The following VPS54 variants were observed in gnomAD, a reference collection of about 807,000 sequenced individuals.
The protein encoded by VPS54 is VPS54 subunit of GARP complex, also known as vacuolar protein sorting-associated protein 54.
A neutral mutation model predicts 121.5 loss-of-function variants in VPS54; 45 were observed. The ratio of observed to expected loss-of-function variants is 0.37; its 90% CI spans 0.29 to 0.47. VPS54 has a LOEUF of 0.47. Among genes scored for constraint, VPS54 ranks in the 20% least tolerant of loss-of-function variants. The pLI, the probability that VPS54 is intolerant of heterozygous loss-of-function variation, is 0.99. For missense variants in VPS54, 1,090 were observed against 1,131.4 expected, an observed-to-expected ratio of 0.96 and a Z score of 0.52; for synonymous variants, 371 against 385.8, an observed-to-expected ratio of 0.96 and a Z score of 0.45.
intron 13 of VPS54, 148 bp downstream of exon 13, chr2:63,921,058 C>G: frequency 1.4e-6 from 1 of 734,214 alleles, no homozygotes. Flanking sequence ...TCAACATCTC[C>G]CTAGTAGACC....
rs1392841323 is a variant in VPS54 at position 63,897,575 on chromosome 2, T to C, written c.2749A>G (p.Ile917Val). Residue 917 changes from isoleucine to valine, a missense_variant, in exon 22 of 23, where the codon ATT becomes GTT. By Grantham distance (29) the Ile-to-Val change is conservative (BLOSUM62 3). Transcript: ENST00000272322. ...EEQTQMLFLRINASYKLHLKK... is the reference protein window; with the variant it reads ...EEQTQMLFLRVNASYKLHLKK... ...AAGTGGAGTTTATAACTTGCATTAA[T>C]TCTTAAAAATAACATCTGAAAAAGA... is the stretch of plus-strand genomic sequence containing the variant. 1.9e-6 allele frequency: 3 copies of C among 1,563,844 alleles called. No homozygotes were observed. The highest frequency in any genetic ancestry group is 1.4e-5 in the African/African-American group (1 of 73,468).
chr2:63,927,184 T>C (rs1366298369), intron 12 of VPS54, among the ~76,000 whole-genome samples: 1 of 152,172 alleles, frequency 6.6e-6, no homozygotes. Flanking sequence ...CGAGCTCTGA[T>C]AACGGACAGA....
intron 7 of VPS54, among the ~76,000 whole-genome samples, chr2:63,958,511 T>C (rs1029835828): frequency 1.3e-5 from 2 of 152,082 alleles, no homozygotes; most frequent in Non-Finnish European, 2.9e-5. Context: ...TTAAAAGCAA[T>C]AGAACCAGTC....
chr2:64,002,195 A>T (rs1017197610), intron 1 of VPS54, among the ~76,000 whole-genome samples: 1 of 152,224 alleles, frequency 6.6e-6, no homozygotes, highest in Admixed American at 6.5e-5. Flanking sequence ...TCTCCACACC[A>T]CATAGTCGCT....
intron 3 of VPS54, chr2:63,975,006 G>A (rs1341508994): frequency 6.5e-7 from 1 of 1,549,698 alleles, no homozygotes; most frequent in African/African-American, 1.4e-5. Flanking sequence ...TTCTTAGTGG[G>A]AAGCATCTAG....
At chr2:63,996,646 T>C (rs909397109) in intron 1 of VPS54, among the ~76,000 whole-genome samples, 17 of 152,128 alleles carry the variant, frequency 1.1e-4, no homozygotes, top group Admixed American at 9.8e-4. Context: ...TAAGGAATAT[T>C]AATAATTAAC....
intron 1 of VPS54, among the ~76,000 whole-genome samples, chr2:63,992,711 C>T (rs1418143745): frequency 6.6e-6 from 1 of 152,216 alleles, no homozygotes; most frequent in East Asian, 1.9e-4. Context: ...GGATGGTAAC[C>T]AATTTAAGGG....
chr2:63,956,405 G>T (rs1421964270), intron 7 of VPS54, among the ~76,000 whole-genome samples: 1 of 151,992 alleles, frequency 6.6e-6, no homozygotes, highest in Non-Finnish European at 1.5e-5. Flanking sequence ...ACAAAAAAAG[G>T]CTTACAAGTA....
rs893608285 is a variant in VPS54, at chr2:63,892,722, C to G, written c.*708G>C. 1 of 72,494 alleles carries G rather than the reference C, an allele frequency of 1.4e-5. No homozygotes were observed. Among genetic ancestry groups the G allele is most frequent in the South Asian group, 3.3e-4 (1 of 3,064 alleles). 4.5% of individuals were successfully genotyped at this position (72,494 alleles called of 1,614,324 possible). ...AAGTATTTAGTTGCATAAATAGATG[C>G]CAGGATCTTTTTTTTTAAGTATTAA... On this transcript the variant is annotated 3_prime_UTR_variant, in exon 23 of 23. Coordinates refer to ENST00000272322, the MANE Select transcript of VPS54 (RefSeq NM_016516.3).
At chr2:63,938,901 GTTT>G (rs1380868004) in intron 11 of VPS54, among the ~76,000 whole-genome samples, 1 of 152,100 alleles carries the variant, frequency 6.6e-6, no homozygotes. Context: ...AATCAGTTAA[GTTT>G]TATGTTTATT....
intron 20 of VPS54, among the ~76,000 whole-genome samples, chr2:63,910,830 A>G (rs373907030): frequency 6.6e-6 from 1 of 152,222 alleles, no homozygotes; most frequent in Non-Finnish European, 1.5e-5. Flanking sequence ...GTGACAGACT[A>G]AAGTCAGAGT....
rs538097497 is a variant in VPS54, at chr2:63,942,633, A to G, written c.1302-72T>C. The stretch of plus-strand genomic sequence containing the variant: ...ATCAATATAACATCTACAAACTGGA[A>G]GAAATGAGACTAAATACTATCTAGT... On this transcript the variant is annotated intron_variant, in intron 10 of 22. Coordinates refer to ENST00000272322, the MANE Select transcript of VPS54 (RefSeq NM_016516.3). 10 of 1,261,922 alleles carry G rather than the reference A, an allele frequency of 7.9e-6. No individual in the cohort carries two copies. The East Asian group carries it at 1.9e-4, about 24-fold the overall frequency. 78.2% of individuals were successfully genotyped at this position (1,261,922 alleles called of 1,614,324 possible). A position where few individuals can be genotyped will look rare whatever the true frequency, so the allele number is the denominator to read the frequency against.
intron 7 of VPS54, among the ~76,000 whole-genome samples, chr2:63,961,480 T>C (rs1166822588): frequency 6.6e-6 from 1 of 151,842 alleles, no homozygotes; most frequent in Non-Finnish European, 1.5e-5. Flanking sequence ...CAAGCCTGCT[T>C]AATGGAACGA....
Position 63,983,986 on chromosome 2 carries a change from T to A in VPS54, c.14A>T (p.His5Leu), listed in dbSNP as rs963287524. The change falls in exon 2 of 23, where the codon CAC becomes CTC. Residue 5 changes from histidine to leucine, a missense_variant. By Grantham distance (99) the His-to-Leu change is moderately conservative (BLOSUM62 -3). This residue lies in a region of VPS54 where 801 missense variants were observed against 757.0 expected (regional missense o/e 1.06). Transcript: ENST00000272322. MASS[H>L]SSSPVPQGSS... ...TCCTTGAGGCACTGGTGAAGAACTG[T>A]GGCTTGAAGCCATTGCATAAAATCA... 16 of 1,609,940 alleles carry A rather than the reference T, an allele frequency of 9.9e-6. No homozygotes were observed. Among genetic ancestry groups the A allele is most frequent in the Non-Finnish European group, 1.4e-5 (16 of 1,177,772 alleles).
intron 1 of VPS54, among the ~76,000 whole-genome samples, chr2:64,012,116 A>C (rs1275004216): frequency 6.6e-6 from 1 of 152,120 alleles, no homozygotes; most frequent in Non-Finnish European, 1.5e-5. Context: ...CTGGTTGGCT[A>C]TCTTAGCCCT....
At chr2:63,904,577 AAC>A (rs1672829736) in intron 20 of VPS54, among the ~76,000 whole-genome samples, 1 of 152,120 alleles carries the variant, frequency 6.6e-6, no homozygotes, top group Admixed American at 6.5e-5. Flanking sequence ...TGAACACAAA[AAC>A]AGACAAATTT....
intron 12 of VPS54, among the ~76,000 whole-genome samples, chr2:63,924,131 G>A (rs1269925469): frequency 6.6e-6 from 1 of 152,202 alleles, no homozygotes; most frequent in African/African-American, 2.4e-5. Flanking sequence ...AGGAGGGGAA[G>A]GATAAAAACT....
At chr2:64,015,352 T>C (rs1488837265) in intron 1 of VPS54, among the ~76,000 whole-genome samples, 1 of 152,126 alleles carries the variant, frequency 6.6e-6, no homozygotes, top group Non-Finnish European at 1.5e-5. Flanking sequence ...TTCCCTCAAT[T>C]CCTCCTCTTG....
chr2:64,005,086 C>CTTTTTT (rs1559053926), intron 1 of VPS54, among the ~76,000 whole-genome samples: 5 of 76,602 alleles, frequency 6.5e-5, no homozygotes, highest in African/African-American at 1.7e-4. Flanking sequence ...TCTACTATTG[C>CTTTTTT]TTCTTTTTTT....
Sources: allele counts gnomAD v4.1 joint callset (sites outside exome capture counted in the v4.1 genomes callset), GRCh38; gene constraint gnomAD v4.1.1; regional missense constraint gnomAD v4.1.1; transcripts MANE v1.5; gene names NCBI Gene and HGNC (gene_info 2026-07-23, HGNC 2026-07-21).